The following MMP16 variants were observed in gnomAD, a reference collection of about 807,000 sequenced individuals.
MMP16 encodes matrix metalloproteinase-16.
A neutral mutation model predicts 67.8 loss-of-function variants in MMP16; 12 were observed. The observed-to-expected ratio is 0.18, with a 90% CI of 0.11 to 0.29. The LOEUF (loss-of-function observed/expected upper bound fraction) is 0.29. Among genes scored for constraint, MMP16 ranks in the 10% least tolerant of loss-of-function variants. The pLI is 1.00. For missense variants in MMP16, 475 were observed against 765.7 expected, an observed-to-expected ratio of 0.62 and a Z score of 4.48; for synonymous variants, 249 against 255.9, an observed-to-expected ratio of 0.97 and a Z score of 0.26.
chr8:88,280,419 G>A (rs932554698), intron 1 of MMP16, among the ~76,000 whole-genome samples: 1 of 151,852 alleles, frequency 6.6e-6, no homozygotes, highest in African/African-American at 2.4e-5. Flanking sequence ...TACTATGATC[G>A]AGAAAAAAAA....
intron 7 of MMP16, among the ~76,000 whole-genome samples, chr8:88,062,662 T>TG (rs1304260770): frequency 7.1e-6 from 1 of 141,282 alleles, no homozygotes; most frequent in African/African-American, 2.6e-5. Context: ...TGTTGTGGGG[T>TG]GGGGGGAGTG....
chr8:88,272,359 A>C (rs1298585515), intron 1 of MMP16, among the ~76,000 whole-genome samples: 2 of 152,174 alleles, frequency 1.3e-5, no homozygotes, highest in African/African-American at 4.8e-5. Flanking sequence ...ATAGCAAAGA[A>C]TATATAAAGC....
intron 1 of MMP16, among the ~76,000 whole-genome samples, chr8:88,262,401 T>C (rs1259054923): frequency 6.6e-6 from 1 of 152,214 alleles, no homozygotes; most frequent in African/African-American, 2.4e-5. Context: ...ATACATTTTA[T>C]AAAACTCTAA....
At chr8:88,186,921 T>C (rs1213020426) in intron 2 of MMP16, among the ~76,000 whole-genome samples, 1 of 152,198 alleles carries the variant, frequency 6.6e-6, no homozygotes, top group Admixed American at 6.5e-5. Flanking sequence ...TAACAAGGTA[T>C]ATAATCTTGG....
chr8:88,213,324 G>A (rs547193651), intron 1 of MMP16, among the ~76,000 whole-genome samples: 5 of 152,126 alleles, frequency 3.3e-5, no homozygotes, highest in South Asian at 2.1e-4. Flanking sequence ...TTGTCATCAC[G>A]AGACGTTTGA....
intron 4 of MMP16, among the ~76,000 whole-genome samples, chr8:88,123,589 T>C (rs1477670090): frequency 6.6e-6 from 1 of 151,848 alleles, no homozygotes; most frequent in Non-Finnish European, 1.5e-5. Flanking sequence ...TTATTCAGCA[T>C]CTATTATGAA....
intron 1 of MMP16, among the ~76,000 whole-genome samples, chr8:88,292,648 G>T (rs1038615184): frequency 6.6e-6 from 1 of 152,126 alleles, no homozygotes; most frequent in African/African-American, 2.4e-5. Context: ...AATGAAATAA[G>T]TTGTATCTAG....
chr8:88,249,153 G>C (rs1202503663), intron 1 of MMP16, among the ~76,000 whole-genome samples: 1 of 151,928 alleles, frequency 6.6e-6, no homozygotes, highest in Non-Finnish European at 1.5e-5. Context: ...ATACATAAGA[G>C]AGCTAACGTT....
chr8:88,130,318 G>A (rs1808006768), intron 4 of MMP16, among the ~76,000 whole-genome samples: 1 of 151,658 alleles, frequency 6.6e-6, no homozygotes, highest in Non-Finnish European at 1.5e-5. Context: ...TTCATGCATG[G>A]CCTAGTATTC....
At chr8:88,052,522 C>G (rs546185049) in intron 8 of MMP16, among the ~76,000 whole-genome samples, 1 of 152,176 alleles carries the variant, frequency 6.6e-6, no homozygotes, top group Non-Finnish European at 1.5e-5. Flanking sequence ...CACATAGAAG[C>G]CAGCACAATC....
At chr8:88,244,001 G>A (rs1810072262) in intron 1 of MMP16, among the ~76,000 whole-genome samples, 1 of 151,400 alleles carries the variant, frequency 6.6e-6, no homozygotes, top group African/African-American at 2.4e-5. Flanking sequence ...TACTGGAATT[G>A]TTTTTTATTA....
At chr8:88,302,380 T>C (rs1324175142) in intron 1 of MMP16, among the ~76,000 whole-genome samples, 1 of 152,214 alleles carries the variant, frequency 6.6e-6, no homozygotes, top group East Asian at 1.9e-4. Context: ...TCTTTGTTTT[T>C]CTCAGTCACA....
At chr8:88,168,595 T>C (rs1210715582) in intron 3 of MMP16, among the ~76,000 whole-genome samples, 1 of 152,214 alleles carries the variant, frequency 6.6e-6, no homozygotes, top group Non-Finnish European at 1.5e-5. Flanking sequence ...GGACATTATG[T>C]ACTTTAGTTT....
intron 7 of MMP16, among the ~76,000 whole-genome samples, chr8:88,066,842 C>T (rs1489880255): frequency 6.6e-6 from 1 of 151,822 alleles, no homozygotes; most frequent in African/African-American, 2.4e-5. Flanking sequence ...AAATGTGATA[C>T]AAAGAGAAAA....
At chr8:88,301,681 C>G (rs771553774) in intron 1 of MMP16, among the ~76,000 whole-genome samples, 5 of 152,150 alleles carry the variant, frequency 3.3e-5, no homozygotes, top group Non-Finnish European at 7.3e-5. Flanking sequence ...GTGCCTAGAA[C>G]TGAGATGACT....
At chr8:88,226,358 C>A (rs890596733) in intron 1 of MMP16, among the ~76,000 whole-genome samples, 1 of 152,002 alleles carries the variant, frequency 6.6e-6, no homozygotes, top group African/African-American at 2.4e-5. Flanking sequence ...AGGCTACATT[C>A]TAAATGCTTT....
chr8:88,069,190 T>C, intron 7 of MMP16: 1 of 278,880 alleles, frequency 3.6e-6, no homozygotes, highest in Non-Finnish European at 6.9e-6. Flanking sequence ...CTCTGACCCA[T>C]GAATGAGGCA....
intron 4 of MMP16, among the ~76,000 whole-genome samples, chr8:88,149,844 G>T (rs1418960940): frequency 4.7e-5 from 7 of 150,228 alleles, no homozygotes; most frequent in Non-Finnish European, 8.9e-5. Context: ...CACCAGCAAC[G>T]GAACAAAGCT....
intron 1 of MMP16, among the ~76,000 whole-genome samples, chr8:88,308,099 T>C (rs977225498): frequency 6.6e-6 from 1 of 152,020 alleles, no homozygotes; most frequent in African/African-American, 2.4e-5. Context: ...AAAATTAGTA[T>C]ATAATAAAGG....
Sources: gnomAD v4.1 joint callset for allele counts (sites outside exome capture counted in the v4.1 genomes callset) on GRCh38, gnomAD v4.1.1 for gene constraint, MANE v1.5 for transcripts, NCBI Gene and HGNC (gene_info 2026-07-23, HGNC 2026-07-21) for gene names.